Variants in NETO2 observed in about 807,000 individuals in gnomAD.
NETO2 encodes the protein neuropilin and tolloid like 2, also known as neuropilin and tolloid-like protein 2.
Under a neutral mutation model 62.5 loss-of-function variants are expected in NETO2, and 28 were observed. The observed-to-expected ratio is 0.45, with a 90% CI of 0.33 to 0.61. NETO2 has a LOEUF of 0.61. NETO2 is among the 20% of genes least tolerant of loss of function. NETO2 has a pLI of 0.02. For synonymous variants in NETO2, 214 were observed against 219.1 expected (o/e 0.98, Z 0.21); for missense variants, 548 against 643.2 (o/e 0.85, Z 1.60).
chr16:47,092,929 T>C (rs1027822854), intron 7 of NETO2, among the ~76,000 whole-genome samples: 7 of 152,190 alleles, frequency 4.6e-5, no homozygotes, highest in Non-Finnish European at 1.0e-4. Flanking sequence ...CTCACTCTTT[T>C]AGCCTTCATT....
At chr16:47,099,636 GA>G (rs927687834) in intron 7 of NETO2, among the ~76,000 whole-genome samples, 12 of 144,324 alleles carry the variant, frequency 8.3e-5, no homozygotes, top group Non-Finnish European at 1.2e-4. Flanking sequence ...CAAATGGCAA[GA>G]AAAAAAAAAG....
intron 6 of NETO2, among the ~76,000 whole-genome samples, chr16:47,118,836 A>G (rs1042752814): frequency 6.6e-6 from 1 of 152,210 alleles, no homozygotes; most frequent in East Asian, 1.9e-4. Flanking sequence ...CTTAAAAAAT[A>G]ACCTTTATCC....
intron 6 of NETO2, among the ~76,000 whole-genome samples, chr16:47,118,646 A>G (rs909432659): frequency 2.0e-5 from 3 of 152,234 alleles, no homozygotes; most frequent in Non-Finnish European, 4.4e-5. Context: ...ACATTTGTTA[A>G]AATTTCAAAT....
intron 4 of NETO2, among the ~76,000 whole-genome samples, chr16:47,126,718 C>T (rs1964165202): frequency 6.6e-6 from 1 of 152,152 alleles, no homozygotes; most frequent in South Asian, 2.1e-4. Context: ...AGGCAGGAGG[C>T]TTATGGTAAC....
chr16:47,140,922 T>A (rs1324199650), intron 1 of NETO2, among the ~76,000 whole-genome samples: 2 of 152,170 alleles, frequency 1.3e-5, no homozygotes, highest in African/African-American at 4.8e-5. Flanking sequence ...GTGTGCAGAA[T>A]AAGAACAAAA....
In NETO2 at chr16:47,129,205, A is replaced by C. The variant is rs775544626; in HGVS notation, c.232+19T>G. ...CAATAAAGTAAAAATTCATCCAATAAAAGAAATCGTTCAAATACCTTCCAA... is the reference window on the plus strand; with the variant it reads ...CAATAAAGTAAAAATTCATCCAATACAAGAAATCGTTCAAATACCTTCCAA... On this transcript the variant is annotated intron_variant, in intron 3 of 8. Transcript: ENST00000562435. 8 of 1,610,084 alleles carry C rather than the reference A, an allele frequency of 5.0e-6. No individual in the cohort carries two copies. The East Asian group carries it at 1.1e-4, about 22-fold the overall frequency.
chr16:47,122,427 A>G (rs1364748270), intron 6 of NETO2, among the ~76,000 whole-genome samples: 2 of 152,332 alleles, frequency 1.3e-5, no homozygotes, highest in Non-Finnish European at 1.5e-5. Context: ...GAGAATCTTA[A>G]TATATATGTA....
rs1963054710 is a variant in NETO2 at position 47,081,196 on chromosome 16, C to T, written c.*2025G>A. ...CTATTTTAAAAAATGAATAATTTTA[C>T]ATAGAAAATATGCTAACTTCCCTTT... On this transcript the variant is annotated 3_prime_UTR_variant, in exon 9 of 9. Transcript: ENST00000562435. 6.6e-6 allele frequency: 1 copy of T among 152,062 alleles called. No homozygotes were observed. Among genetic ancestry groups the T allele is most frequent in the South Asian group, 2.1e-4 (1 of 4,824 alleles). The allele number at this position is 152,062 out of a possible 1,614,324, so 9.4% of individuals were successfully genotyped here.
chr16:47,083,127 A>C lies in NETO2; in HGVS notation c.*94T>G. 2.7e-6 allele frequency: 3 copies of C among 1,100,402 alleles called. No homozygotes were observed. Among genetic ancestry groups the C allele is most frequent in the Non-Finnish European group, 4.0e-6 (3 of 756,554 alleles). 68.2% of individuals were successfully genotyped at this position (1,100,402 alleles called of 1,614,324 possible). ...GTAAATCAAGGTCTTCGTAGTTGTGATGGGAGAAAAGGGTTGGCTGCTGGA... is the reference window on the plus strand; with the variant it reads ...GTAAATCAAGGTCTTCGTAGTTGTGCTGGGAGAAAAGGGTTGGCTGCTGGA... On this transcript the variant is annotated 3_prime_UTR_variant, in exon 9 of 9. Transcript: ENST00000562435.
At chr16:47,133,772 T>G (rs1271499901) in intron 1 of NETO2, among the ~76,000 whole-genome samples, 1 of 152,012 alleles carries the variant, frequency 6.6e-6, no homozygotes, top group Admixed American at 6.6e-5. Flanking sequence ...TAGAGAAAAG[T>G]TGGGTGAGAT....
intron 7 of NETO2, among the ~76,000 whole-genome samples, chr16:47,089,414 G>A (rs970851611): frequency 6.6e-6 from 1 of 152,192 alleles, no homozygotes; most frequent in Non-Finnish European, 1.5e-5. Context: ...AAATGAAGGG[G>A]ATGGAATACA....
intron 7 of NETO2, among the ~76,000 whole-genome samples, chr16:47,092,077 G>A (rs944174748): frequency 6.6e-6 from 1 of 151,016 alleles, no homozygotes; most frequent in African/African-American, 2.4e-5. Context: ...GCCCAGGCTG[G>A]TCTCAGGCAA....
At position 47,077,973 on chromosome 16, in the gene NETO2, C is replaced by A. The variant is rs1376301825; in HGVS notation, c.*5248G>T. The A allele has an allele frequency of 6.6e-6, 1 of 152,142 alleles. No homozygotes were observed. Among genetic ancestry groups the A allele is most frequent in the East Asian group, 1.9e-4 (1 of 5,172 alleles). The allele number at this position is 152,142 out of a possible 1,614,324, so 9.4% of individuals were successfully genotyped here. ...GTGTTATGGCTGGTGCACTGTGCACCCCGAAAGAACAGCTTGGCTCTCCAG... is the reference window on the plus strand; with the variant it reads ...GTGTTATGGCTGGTGCACTGTGCACACCGAAAGAACAGCTTGGCTCTCCAG... On this transcript the variant is annotated 3_prime_UTR_variant, in exon 9 of 9. Coordinates refer to ENST00000562435, the MANE Select transcript of NETO2 (RefSeq NM_018092.5).
intron 8 of NETO2, 121 bp downstream of exon 8, chr16:47,086,105 C>G: frequency 1.4e-6 from 1 of 709,862 alleles, no homozygotes. Flanking sequence ...GACTCCGTCT[C>G]AAACAAACAA....
chr16:47,130,341 C>A (rs1253720432), intron 2 of NETO2, among the ~76,000 whole-genome samples: 2 of 152,102 alleles, frequency 1.3e-5, no homozygotes, highest in Non-Finnish European at 2.9e-5. Flanking sequence ...AGTAACTGAT[C>A]CTTGCCCACA....
chr16:47,133,238 C>G (rs1964302411), intron 1 of NETO2, among the ~76,000 whole-genome samples: 1 of 152,034 alleles, frequency 6.6e-6, no homozygotes, highest in African/African-American at 2.4e-5. Flanking sequence ...TTGGACCTTA[C>G]AGTCCTTGAG....
chr16:47,098,689 T>C (rs991920129), intron 7 of NETO2, among the ~76,000 whole-genome samples: 6 of 152,036 alleles, frequency 3.9e-5, no homozygotes, highest in Non-Finnish European at 8.8e-5. Context: ...ACCACAAAGA[T>C]ACTCCTTGAG....
intron 7 of NETO2, among the ~76,000 whole-genome samples, chr16:47,096,283 C>G (rs1290867860): frequency 6.6e-6 from 1 of 152,064 alleles, no homozygotes; most frequent in East Asian, 1.9e-4. Flanking sequence ...AAATCCAAAG[C>G]TAGCAGAAGT....
intron 6 of NETO2, among the ~76,000 whole-genome samples, chr16:47,114,545 G>T (rs1288277470): frequency 6.8e-6 from 1 of 147,014 alleles, no homozygotes; most frequent in African/African-American, 2.5e-5. Flanking sequence ...CCGCCTCCCG[G>T]GTTCATGCCA....
Sources: allele counts gnomAD v4.1 joint callset (sites outside exome capture counted in the v4.1 genomes callset), GRCh38; gene constraint gnomAD v4.1.1; transcripts MANE v1.5; gene names NCBI Gene and HGNC (gene_info 2026-07-23, HGNC 2026-07-21).